Variants in ADSS1 observed in about 807,000 individuals in gnomAD.
The protein encoded by ADSS1 is adenylosuccinate synthetase isozyme 1.
In ADSS1, 57 loss-of-function variants were observed where a neutral mutation model predicts 59.1. The observed-to-expected ratio is 0.97, with a 90% CI of 0.78 to 1.20. ADSS1 has a LOEUF of 1.20. Ranked by LOEUF, ADSS1 falls within the 50% of genes most tolerant of loss-of-function variation. The pLI is 0.00. For missense variants in ADSS1, 603 were observed against 610.3 expected (o/e 0.99, Z 0.13); for synonymous variants, 247 against 249.4 (o/e 0.99, Z 0.09).
rs1891287544 is a variant in ADSS1, at chr14:104,740,129, A to C, written c.476+313A>C. On this transcript the variant is annotated intron_variant, in intron 5 of 12. Transcript: ENST00000330877. This position sits in a 1 kb window ranked among gnomAD's most constrained non-coding sequence, Gnocchi z 4.8. Reference sequence around the variant, plus strand: ...GACTCCACACGGCCCCAGGGAAGACACGAGGAACACTAAAGCAGTTTAGTA... The same window carrying C: ...GACTCCACACGGCCCCAGGGAAGACCCGAGGAACACTAAAGCAGTTTAGTA... Among the ~76,000 whole-genome samples the C allele has an allele frequency of 6.6e-6, 1 of 152,098 alleles. No homozygotes were observed. The highest frequency in any genetic ancestry group is 1.5e-5 in the Non-Finnish European group (1 of 68,022).
intron 1 of ADSS1, chr14:104,730,209 A>G (rs1262960713): frequency 3.3e-6 from 5 of 1,512,874 alleles, no homozygotes; most frequent in Non-Finnish European, 4.5e-6. Flanking sequence ...CCTGGAGGGG[A>G]GCGGGTGGGT....
chr14:104,742,111 G>A, intron 9 of ADSS1, 109 bp downstream of exon 9: 1 of 1,447,958 alleles, frequency 6.9e-7, no homozygotes, highest in Non-Finnish European at 9.4e-7. Context: ...CCTTGCCAGT[G>A]CCATCTCCCC....
chr14:104,742,119 C>A, intron 9 of ADSS1, 117 bp downstream of exon 9: 2 of 1,404,430 alleles, frequency 1.4e-6, no homozygotes, highest in South Asian at 2.6e-5. Flanking sequence ...GTGCCATCTC[C>A]CCATCTCCCA....
At chr14:104,744,968 T>C (rs1891503476) in intron 11 of ADSS1, 59 bp downstream of exon 11, 3 of 1,505,730 alleles carry the variant, frequency 2.0e-6, no homozygotes, top group Non-Finnish European at 2.8e-6. Context: ...TTGGAATAGA[T>C]AGGACCTGTG....
intron 1 of ADSS1, among the ~76,000 whole-genome samples, chr14:104,725,343 AC>A (rs2140737619): frequency 6.6e-6 from 1 of 152,302 alleles, no homozygotes; most frequent in Admixed American, 6.5e-5. Context: ...AAAGGGGTCA[AC>A]TTTGGGATGC....
rs1029333502 is a variant in ADSS1 at position 104,743,358 on chromosome 14, G to C, written c.1073+167G>C. ...GCACGGCCCAGAGGTTAGCGGTATG[G>C]AGGCCTGTGCAGGGTGTGTTGGAGC... On this transcript the variant is annotated intron_variant, in intron 10 of 12. Coordinates refer to ENST00000330877, the MANE Select transcript of ADSS1 (RefSeq NM_152328.5). 47 of 1,023,110 alleles carry C rather than the reference G, an allele frequency of 4.6e-5. No homozygotes were observed. The African/African-American group carries it at 7.0e-4, about 15-fold the overall frequency. The allele number at this position is 1,023,110 out of a possible 1,614,324, so 63.4% of individuals were successfully genotyped here.
At chr14:104,735,650 C>G (rs947374898) in intron 2 of ADSS1, among the ~76,000 whole-genome samples, 14 of 152,206 alleles carry the variant, frequency 9.2e-5, no homozygotes, top group Non-Finnish European at 1.8e-4. Context: ...CTTCCCAGTC[C>G]GTGCTGCAGA....
Position 104,740,259 on chromosome 14 carries a change from ACT to A in ADSS1, c.477-340_477-339del, listed in dbSNP as rs1158049222. Reference sequence around the variant, plus strand: ...CACTCACACTCTCACACAGGCACACACTCATGCTCTTACATACACACCACACG... The same window carrying A: ...CACTCACACTCTCACACAGGCACACACATGCTCTTACATACACACCACACG... On this transcript the variant is annotated intron_variant, in intron 5 of 12. Coordinates refer to ENST00000330877, the MANE Select transcript of ADSS1 (RefSeq NM_152328.5). The surrounding 1 kb of genome is among the most constrained non-coding windows in gnomAD (Gnocchi z 4.8). 6.6e-6 allele frequency among the ~76,000 whole-genome samples: 1 copy of A among 151,938 alleles called. No homozygotes were observed. Among genetic ancestry groups the A allele is most frequent in the Non-Finnish European group, 1.5e-5 (1 of 67,972 alleles).
At chr14:104,725,152 T>C (rs1890683283) in intron 1 of ADSS1, among the ~76,000 whole-genome samples, 1 of 152,092 alleles carries the variant, frequency 6.6e-6, no homozygotes, top group Non-Finnish European at 1.5e-5. Flanking sequence ...AGGCCAGACC[T>C]GCTTTGTCCC....
At chr14:104,734,599 G>T (rs1260540763) in intron 1 of ADSS1, among the ~76,000 whole-genome samples, 1 of 152,242 alleles carries the variant, frequency 6.6e-6, no homozygotes, top group African/African-American at 2.4e-5. Context: ...TAGACGGGAG[G>T]TGCCTGCCCA....
intron 11 of ADSS1, 58 bp from the exon 12 acceptor site, chr14:104,746,178 G>A (rs878911401): frequency 1.5e-5 from 23 of 1,542,978 alleles, no homozygotes; most frequent in Admixed American, 7.4e-5. Flanking sequence ...CCAAATATCC[G>A]CTTCCCTGGT....
Position 104,744,804 on chromosome 14 carries a change from T to C in ADSS1, c.1074-8T>C. On this transcript the variant is annotated splice_region_variant and splice_polypyrimidine_tract_variant and intron_variant, in intron 10 of 12. Transcript: ENST00000330877. ...CTTGGGTTTGCCCGGCCCCTTGGCT[T>C]TCCACAGGCTGGCCCTGACGAAGCT... 6.2e-7 allele frequency: 1 copy of C among 1,614,110 alleles called. No homozygotes were observed. The highest frequency in any genetic ancestry group is 8.5e-7 in the Non-Finnish European group (1 of 1,180,002).
At chr14:104,732,885 G>T (rs927680642) in intron 1 of ADSS1, among the ~76,000 whole-genome samples, 2 of 152,208 alleles carry the variant, frequency 1.3e-5, no homozygotes, top group Non-Finnish European at 2.9e-5. Context: ...TATGTGCCGA[G>T]GCAAGGACAG....
intron 1 of ADSS1, chr14:104,730,276 T>A: frequency 7.0e-7 from 1 of 1,424,824 alleles, no homozygotes; most frequent in Non-Finnish European, 9.3e-7. Flanking sequence ...AGCGGATCAC[T>A]TAGGGTCAGG....
In ADSS1 at chr14:104,740,583, C is replaced by T. The variant is rs1427714799; in HGVS notation, c.477-18C>T. On this transcript the variant is annotated intron_variant, in intron 5 of 12. Coordinates refer to ENST00000330877, the MANE Select transcript of ADSS1 (RefSeq NM_152328.5). The surrounding 1 kb of genome is among the most constrained non-coding windows in gnomAD (Gnocchi z 4.8). ...AGGGCTCCTGGGTTCTCATGGGTAC[C>T]CACTCCCCATCTTTCAGTATAGGCA... The T allele has an allele frequency of 6.2e-7, 1 of 1,610,462 alleles. No homozygotes were observed. The highest frequency in any genetic ancestry group is 8.5e-7 in the Non-Finnish European group (1 of 1,177,872).
chr14:104,725,766 G>A (rs1005437684), intron 1 of ADSS1, among the ~76,000 whole-genome samples: 9 of 152,136 alleles, frequency 5.9e-5, no homozygotes, highest in Non-Finnish European at 1.0e-4. Context: ...CCTCCAGGGC[G>A]CCCTCAGCGT....
At chr14:104,725,174 G>A (rs897526420) in intron 1 of ADSS1, among the ~76,000 whole-genome samples, 1 of 152,130 alleles carries the variant, frequency 6.6e-6, no homozygotes, top group Non-Finnish European at 1.5e-5. Flanking sequence ...CAGGGCCCAG[G>A]GCTGGGCCTC....
At chr14:104,727,788 T>C (rs1890759916) in intron 1 of ADSS1, among the ~76,000 whole-genome samples, 3 of 152,212 alleles carry the variant, frequency 2.0e-5, no homozygotes, top group Admixed American at 2.0e-4. Flanking sequence ...ATCTCCAAGA[T>C]ACTTCCTCTG....
chr14:104,730,475 G>A (rs968175259), intron 1 of ADSS1, among the ~76,000 whole-genome samples: 9 of 152,174 alleles, frequency 5.9e-5, no homozygotes, highest in African/African-American at 2.2e-4. Flanking sequence ...GGGCGACAGA[G>A]TGAGACCCTG....
Sources: gnomAD v4.1 joint callset for allele counts (sites outside exome capture counted in the v4.1 genomes callset) on GRCh38, gnomAD v4.1.1 for gene constraint, Gnocchi (gnomAD v3.1) non-coding constraint, MANE v1.5 for transcripts, NCBI Gene and HGNC (gene_info 2026-07-23, HGNC 2026-07-21) for gene names.